Variants in RALGAPA2 observed in about 807,000 individuals in gnomAD.
The protein encoded by RALGAPA2 is Ral GTPase activating protein catalytic subunit alpha 2.
In RALGAPA2, 139 loss-of-function variants were observed where a neutral mutation model predicts 230.4. That is an observed-to-expected ratio of 0.60 (90% CI 0.53 to 0.69). The LOEUF (loss-of-function observed/expected upper bound fraction) is 0.69, where lower values mean the gene tolerates loss of function less well. Among genes scored for constraint, RALGAPA2 ranks in the 30% least tolerant of loss-of-function variants. RALGAPA2 has a pLI of 0.00. For missense variants in RALGAPA2, 2,163 were observed against 2,276.0 expected (o/e 0.95, Z 1.01); for synonymous variants, 847 against 837.8 (o/e 1.01, Z -0.19).
chr20:20,641,256 C>T (rs1216107209), intron 5 of RALGAPA2, among the ~76,000 whole-genome samples: 1 of 152,106 alleles, frequency 6.6e-6, no homozygotes, highest in Non-Finnish European at 1.5e-5. Flanking sequence ...TGGCTAACTC[C>T]CAGTAAGCAC....
chr20:20,629,136 CCTT>C (rs1272343896), intron 10 of RALGAPA2, among the ~76,000 whole-genome samples: 1 of 152,152 alleles, frequency 6.6e-6, no homozygotes, highest in East Asian at 1.9e-4. Flanking sequence ...AATTTTCCCT[CCTT>C]GTGTAAATAT....
At chr20:20,428,701 T>C (rs1190582136) in intron 37 of RALGAPA2, among the ~76,000 whole-genome samples, 1 of 115,912 alleles carries the variant, frequency 8.6e-6, no homozygotes, top group Non-Finnish European at 1.8e-5. Flanking sequence ...TTCTTCCCAT[T>C]ATTGTGCCTG....
chr20:20,634,934 C>T (rs2066806455), intron 9 of RALGAPA2, among the ~76,000 whole-genome samples: 1 of 152,182 alleles, frequency 6.6e-6, no homozygotes, highest in African/African-American at 2.4e-5. Context: ...CTAGGGGCCC[C>T]ACCATTGCTC....
chr20:20,601,195 G>A (rs1395714846), intron 16 of RALGAPA2, among the ~76,000 whole-genome samples: 1 of 152,350 alleles, frequency 6.6e-6, no homozygotes, highest in East Asian at 1.9e-4. Context: ...TGTTGGTCAA[G>A]TTGTTAACTG....
At chr20:20,589,393 G>T (rs776077702) in intron 17 of RALGAPA2, 28 bp from the exon 18 acceptor site, 1 of 1,544,832 alleles carries the variant, frequency 6.5e-7, no homozygotes, top group South Asian at 1.2e-5. Flanking sequence ...GGGGGGTAGC[G>T]GAAATAGAAG....
At chr20:20,636,539 CGT>C (rs10534892) in intron 8 of RALGAPA2, among the ~76,000 whole-genome samples, 120,336 of 149,792 alleles carry the variant, frequency 0.8, 48,333 homozygotes, top group Admixed American at 0.84. Context: ...CTTCTCTCCC[CGT>C]GTGTGTGTGT....
chr20:20,571,934 G>C lies in RALGAPA2; in HGVS notation c.2914C>G (p.Leu972Val). 6.2e-7 allele frequency: 1 copy of C among 1,605,406 alleles called. No individual in the cohort carries two copies. Among genetic ancestry groups the C allele is most frequent in the Non-Finnish European group, 8.5e-7 (1 of 1,174,478 alleles). The part of the protein sequence containing the change: ...WYKLAKIRDN[L>V]AISLDNQSSP... ...GACTGGTTATCCAGGCTTATTGCTA[G>C]ATTATCCCGTATCTAATTCACAAAG... is the stretch of plus-strand genomic sequence containing the variant. The change falls in exon 22 of 40, where the codon CTA becomes GTA. Residue 972 changes from leucine to valine, a missense_variant. Transcript: ENST00000202677.
intron 33 of RALGAPA2, among the ~76,000 whole-genome samples, chr20:20,510,708 C>G (rs75581701): frequency 3.3e-5 from 5 of 152,128 alleles, no homozygotes; most frequent in Admixed American, 3.3e-4. Flanking sequence ...TTTAGAAATG[C>G]TTCTGAGACA....
At chr20:20,445,647 A>AATGC (rs1336006409) in intron 37 of RALGAPA2, among the ~76,000 whole-genome samples, 1 of 152,262 alleles carries the variant, frequency 6.6e-6, no homozygotes. Flanking sequence ...TCTATAGCAT[A>AATGC]GCCTCCAAAC....
At chr20:20,512,443 C>T (rs1175348538) in intron 32 of RALGAPA2, 70 bp downstream of exon 32, 12 of 1,397,244 alleles carry the variant, frequency 8.6e-6, no homozygotes, top group Non-Finnish European at 1.0e-5. Flanking sequence ...TCCCCAACCA[C>T]AAACTGATAA....
At chr20:20,710,241 A>T (rs2069796910) in intron 1 of RALGAPA2, among the ~76,000 whole-genome samples, 1 of 152,170 alleles carries the variant, frequency 6.6e-6, no homozygotes, top group Admixed American at 6.5e-5. Context: ...AAAATACAAT[A>T]GTAATTACTA....
intron 23 of RALGAPA2, among the ~76,000 whole-genome samples, chr20:20,557,494 T>C (rs1248206033): frequency 6.6e-6 from 1 of 152,196 alleles, no homozygotes; most frequent in African/African-American, 2.4e-5. Context: ...AGAAATATAT[T>C]CTTCTTAGAA....
chr20:20,629,287 T>G, intron 10 of RALGAPA2, 76 bp downstream of exon 10: 3 of 1,276,686 alleles, frequency 2.3e-6, no homozygotes, highest in Non-Finnish European at 3.3e-6. Context: ...TAAAAGAACA[T>G]GAAACAAAAT....
chr20:20,651,828 A>G (rs1003388861), intron 4 of RALGAPA2, among the ~76,000 whole-genome samples: 1 of 152,244 alleles, frequency 6.6e-6, no homozygotes, highest in Non-Finnish European at 1.5e-5. Context: ...TAGCACAGAT[A>G]AAAAATACTG....
intron 5 of RALGAPA2, among the ~76,000 whole-genome samples, chr20:20,642,525 C>A (rs1329806527): frequency 2.0e-5 from 3 of 152,098 alleles, no homozygotes; most frequent in Admixed American, 1.3e-4. Context: ...CTATGTATAT[C>A]TAATCAAATT....
Position 20,513,250 on chromosome 20 carries a change from C to A in RALGAPA2, c.4119G>T (p.Leu1373Phe). The A allele has an allele frequency of 1.3e-6, 2 of 1,487,856 alleles. No individual in the cohort carries two copies. The highest frequency in any genetic ancestry group is 3.0e-5 in the South Asian group (2 of 67,034). The allele number at this position is 1,487,856 out of a possible 1,614,324, so 92.2% of individuals were successfully genotyped here. A position where few individuals can be genotyped will look rare whatever the true frequency, so the allele number is the denominator to read the frequency against. The change falls in exon 32 of 40, where the codon TTG becomes TTT. Residue 1373 changes from leucine to phenylalanine, a missense_variant. Coordinates refer to ENST00000202677, the MANE Select transcript of RALGAPA2 (RefSeq NM_020343.4). ...KKRRSLELIPLTARMVMAHLV... is the reference protein window; with the variant it reads ...KKRRSLELIPFTARMVMAHLV... ...GGTGGGCCATCACCATTCGAGCAGT[C>A]AAAGGGATCAACTCCAAACTTCTTC...
chr20:20,423,101 G>T (rs1602325054), intron 37 of RALGAPA2, among the ~76,000 whole-genome samples: 2 of 152,160 alleles, frequency 1.3e-5, no homozygotes, highest in African/African-American at 4.8e-5. Flanking sequence ...CTGGACTTGG[G>T]GTGCTCACCA....
chr20:20,435,507 G>T (rs930011151), intron 37 of RALGAPA2, among the ~76,000 whole-genome samples: 1 of 152,246 alleles, frequency 6.6e-6, no homozygotes, highest in East Asian at 1.9e-4. Context: ...ATGAACTCTT[G>T]AATAAAGTGT....
chr20:20,585,360 A>T (rs2065103989), intron 18 of RALGAPA2, among the ~76,000 whole-genome samples: 2 of 152,174 alleles, frequency 1.3e-5, no homozygotes, highest in African/African-American at 4.8e-5. Flanking sequence ...CTCCACCCAG[A>T]GATCTAAAGG....
Sources: gnomAD v4.1 joint callset for allele counts (sites outside exome capture counted in the v4.1 genomes callset) on GRCh38, gnomAD v4.1.1 for gene constraint, MANE v1.5 for transcripts, NCBI Gene and HGNC (gene_info 2026-07-23, HGNC 2026-07-21) for gene names.